ALDH9A1: variants seen among roughly 807,000 people sequenced by gnomAD.
ALDH9A1 encodes 4-trimethylaminobutyraldehyde dehydrogenase.
Under a neutral mutation model 56.6 loss-of-function variants are expected in ALDH9A1, and 42 were observed. That is an observed-to-expected ratio of 0.74 (90% CI 0.58 to 0.96). ALDH9A1 has a LOEUF of 0.96. ALDH9A1 is among the 40% of genes least tolerant of loss of function. The pLI is 0.00. For missense variants in ALDH9A1, 661 were observed against 651.5 expected, an observed-to-expected ratio of 1.01 and a Z score of -0.16; for synonymous variants, 242 against 236.0, an observed-to-expected ratio of 1.03 and a Z score of -0.23.
rs1649038936 is a variant in ALDH9A1, at chr1:165,667,348, T to C, written c.1310A>G (p.Asn437Ser). 1 of 1,614,160 alleles carries C rather than the reference T, an allele frequency of 6.2e-7. No homozygotes were observed. The highest frequency in any genetic ancestry group is 8.5e-7 in the Non-Finnish European group (1 of 1,179,998). ...AGCTGCTAGTCCAAAAGTGGTATCA[T>C]TGGCTCTTTCTAGAACCTCAGCTTC... is the stretch of plus-strand genomic sequence containing the variant. ...DTEAEVLERA[N>S]DTTFGLAAGV... Residue 437 changes from asparagine to serine, a missense_variant, in exon 9 of 11, where the codon AAT (asparagine) becomes AGT (serine). Coordinates refer to ENST00000354775, the MANE Select transcript of ALDH9A1 (RefSeq NM_000696.4).
At chr1:165,665,339 A>G in intron 9 of ALDH9A1, 1 of 515,450 alleles carries the variant, frequency 1.9e-6, no homozygotes, top group Non-Finnish European at 3.5e-6. Flanking sequence ...AATAAGTAAC[A>G]GCAATAAGGG....
At position 165,682,183 on chromosome 1, in the gene ALDH9A1, C is replaced by A. The variant is rs775815145; in HGVS notation, c.516G>T (p.Gly172=). The A allele has an allele frequency of 6.2e-7, 1 of 1,613,974 alleles. No individual in the cohort carries two copies. The highest frequency in any genetic ancestry group is 1.1e-5 in the South Asian group (1 of 91,078). Residue 172 remains glycine (G), a synonymous_variant, in exon 4 of 11, where the codon GGG becomes GGT. Transcript: ENST00000354775. ...SFGYTRREPL[G]VCVGIGAWNY... is the part of the protein sequence containing the mutation. ...TCCATGCTCCTATTCCCACACATAC[C>A]CCAAGTGGTTCTCTTCTGGTATAAC... is the stretch of plus-strand genomic sequence containing the variant.
At chr1:165,698,150 T>C (rs1650154880) in intron 1 of ALDH9A1, 1 of 1,228,256 alleles carries the variant, frequency 8.1e-7, no homozygotes. Flanking sequence ...CAACTCACGA[T>C]CCTACCACGC....
At chr1:165,668,515 T>A (rs539294473) in intron 8 of ALDH9A1, among the ~76,000 whole-genome samples, 1 of 152,234 alleles carries the variant, frequency 6.6e-6, no homozygotes, top group East Asian at 1.9e-4. Context: ...TGCAGAACCA[T>A]GAGCCAAATA....
intron 10 of ALDH9A1, 84 bp from the exon 11 acceptor site, chr1:165,663,228 A>T: frequency 9.0e-7 from 1 of 1,106,688 alleles, no homozygotes; most frequent in Non-Finnish European, 1.4e-6. Flanking sequence ...GAGCACTGCT[A>T]ATCAGGGCTA....
intron 2 of ALDH9A1, among the ~76,000 whole-genome samples, chr1:165,687,969 G>C (rs4657462): frequency 0.69 from 104,890 of 150,984 alleles, 36,738 homozygotes; most frequent in East Asian, 0.98. Flanking sequence ...GCCTGGGTGA[G>C]AGAGAGAGAC....
intron 1 of ALDH9A1, among the ~76,000 whole-genome samples, chr1:165,697,211 C>T (rs10753688): frequency 0.62 from 94,558 of 152,138 alleles, 29,503 homozygotes; most frequent in Admixed American, 0.65. Context: ...ACATTAAGCA[C>T]TGGATTAAAA....
intron 1 of ALDH9A1, chr1:165,698,106 G>A: frequency 4.3e-6 from 3 of 702,622 alleles, no homozygotes; most frequent in Non-Finnish European, 6.0e-6. Flanking sequence ...TCCCCCACCA[G>A]TACTTTGCGA....
At chr1:165,692,888 C>A (rs1157679955) in intron 2 of ALDH9A1, among the ~76,000 whole-genome samples, 1 of 152,060 alleles carries the variant, frequency 6.6e-6, no homozygotes, top group Admixed American at 6.6e-5. Flanking sequence ...TGGAACAGAA[C>A]GGAGCCCTCA....
At chr1:165,689,140 TTTGAG>T (rs752772037) in intron 2 of ALDH9A1, among the ~76,000 whole-genome samples, 2 of 152,194 alleles carry the variant, frequency 1.3e-5, no homozygotes, top group Admixed American at 6.5e-5. Context: ...AATTATCTGC[TTTGAG>T]TTATCTTTGG....
At chr1:165,676,401 G>A in intron 6 of ALDH9A1, 1 of 191,584 alleles carries the variant, frequency 5.2e-6, no homozygotes, top group South Asian at 1.0e-4. Context: ...CCACGTGCAT[G>A]CAAATCTATA....
intron 6 of ALDH9A1, among the ~76,000 whole-genome samples, chr1:165,674,791 C>T (rs1176693396): frequency 6.6e-6 from 1 of 152,054 alleles, no homozygotes; most frequent in Admixed American, 6.6e-5. Context: ...AAAGACATAT[C>T]TGCACTCCCA....
At chr1:165,663,249 T>C in intron 10 of ALDH9A1, 105 bp from the exon 11 acceptor site, 1 of 920,464 alleles carries the variant, frequency 1.1e-6, no homozygotes, top group Non-Finnish European at 1.7e-6. Flanking sequence ...GGGAAGAATA[T>C]AGAACCTAAA....
rs1649598500 is a variant in ALDH9A1, at chr1:165,682,996, C to T, written c.442G>A (p.Ala148Thr). Residue 148 changes from alanine (A) to threonine (T), a missense_variant, in exon 3 of 11, where the codon GCT becomes ACT. Physicochemically the swap from Ala to Thr is moderately conservative, Grantham distance 58 (BLOSUM62 0). Transcript: ENST00000354775. Reference protein sequence around the residue: ...WQCLEYYAGLAASMAGEHIQL... With the variant: ...WQCLEYYAGLTASMAGEHIQL... ...GAGGACTTACCAGCCATGGATGCAG[C>T]CAAGCCCGCATAATACTCCAGGCAC... 1 of 1,613,788 alleles carries T rather than the reference C, an allele frequency of 6.2e-7. No homozygotes were observed. The highest frequency in any genetic ancestry group is 8.5e-7 in the Non-Finnish European group (1 of 1,179,910).
chr1:165,663,921 G>A (rs1191239270), intron 10 of ALDH9A1, among the ~76,000 whole-genome samples: 1 of 152,148 alleles, frequency 6.6e-6, no homozygotes, highest in Non-Finnish European at 1.5e-5. Context: ...CATCTTTCTC[G>A]CTCTCTCATT....
chr1:165,698,211 C>T, intron 1 of ALDH9A1, 167 bp downstream of exon 1: 1 of 1,369,786 alleles, frequency 7.3e-7, no homozygotes, highest in Non-Finnish European at 9.4e-7. Context: ...CGGAGGCACT[C>T]GCGTTGCCCC....
intron 9 of ALDH9A1, 158 bp from the exon 10 acceptor site, chr1:165,665,288 A>G (rs1291006507): frequency 1.6e-6 from 1 of 631,970 alleles, no homozygotes; most frequent in Non-Finnish European, 2.7e-6. Flanking sequence ...CAAAACAGAT[A>G]TGGATTGGGT....
At chr1:165,680,235 A>G (rs1236776235) in intron 5 of ALDH9A1, among the ~76,000 whole-genome samples, 1 of 148,804 alleles carries the variant, frequency 6.7e-6, no homozygotes, top group African/African-American at 2.5e-5. Context: ...ACTAAGACAC[A>G]TCCTCTCCTT....
intron 1 of ALDH9A1, among the ~76,000 whole-genome samples, chr1:165,696,676 T>C (rs943683463): frequency 1.3e-5 from 2 of 152,188 alleles, no homozygotes; most frequent in African/African-American, 4.8e-5. Context: ...GCCCAAGGAC[T>C]GTACTGCCTC....
Sources: gnomAD v4.1 joint callset for allele counts (sites outside exome capture counted in the v4.1 genomes callset) on GRCh38, gnomAD v4.1.1 for gene constraint, MANE v1.5 for transcripts, NCBI Gene and HGNC (gene_info 2026-07-23, HGNC 2026-07-21) for gene names.